Variants in APH1B observed in about 807,000 individuals in gnomAD.
APH1B encodes the protein gamma-secretase subunit APH-1B.
Under a neutral mutation model 28.2 loss-of-function variants are expected in APH1B, and 27 were observed. The ratio of observed to expected loss-of-function variants is 0.96; its 90% confidence interval spans 0.70 to 1.32. APH1B has a LOEUF of 1.32. Among genes scored for constraint, APH1B ranks in the 40% most tolerant of loss-of-function variants. The probability of loss-of-function intolerance (pLI) is 0.00; values close to 1 mark genes in which losing one functional copy is unlikely to be tolerated. For synonymous variants in APH1B, 141 were observed against 124.6 expected (o/e 1.13, Z -0.88); for missense variants, 305 against 313.6 (o/e 0.97, Z 0.21).
rs2038682435 is a variant in APH1B at position 63,305,836 on chromosome 15, A to G, written c.*55A>G. 6.4e-7 allele frequency: 1 copy of G among 1,557,184 alleles called. No homozygotes were observed. The highest frequency in any genetic ancestry group is 8.7e-7 in the Non-Finnish European group (1 of 1,155,774). On this transcript the variant is annotated 3_prime_UTR_variant, in exon 6 of 6. Transcript: ENST00000261879. Reference sequence around the variant, plus strand: ...AGACTACATCTTTAGAGGAAGCACAACTGTGCCTTTTTCTGAAAATCCCTT... The same window carrying G: ...AGACTACATCTTTAGAGGAAGCACAGCTGTGCCTTTTTCTGAAAATCCCTT...
chr15:63,294,770 T>C lies in APH1B; in HGVS notation c.478+7224T>C, dbSNP rs140532194. Among the ~76,000 whole-genome samples, 8 of 152,352 alleles carry C rather than the reference T, an allele frequency of 5.3e-5. No individual in the cohort carries two copies. The East Asian group carries it at 7.7e-4, about 15-fold the overall frequency. On this transcript the variant is annotated intron_variant, in intron 4 of 5. Transcript: ENST00000261879. ...ATTCGAAACCCTCACCAAAGACTTATACTTGAATATTTTTCGTGAGATCAA... is the reference window on the plus strand; with the variant it reads ...ATTCGAAACCCTCACCAAAGACTTACACTTGAATATTTTTCGTGAGATCAA...
intron 2 of APH1B, 46 bp from the exon 3 acceptor site, chr15:63,286,510 CTT>C (rs58838039): frequency 0.025 from 30,764 of 1,212,766 alleles, 31 homozygotes; most frequent in East Asian, 0.1. Context: ...ATTGCTCTTC[CTT>C]TTTTTTTTTT....
intron 4 of APH1B, among the ~76,000 whole-genome samples, chr15:63,290,617 A>G (rs1567029737): frequency 6.6e-6 from 1 of 152,246 alleles, no homozygotes; most frequent in East Asian, 1.9e-4. Flanking sequence ...GCCATGGGGC[A>G]CAAAGGACAG....
chr15:63,302,537 A>C, intron 5 of APH1B, 65 bp downstream of exon 5: 1 of 1,542,274 alleles, frequency 6.5e-7, no homozygotes, highest in Non-Finnish European at 8.7e-7. Flanking sequence ...AAAATGGTAA[A>C]TTCTACTCTA....
rs368237442 is a variant in APH1B, at chr15:63,308,048, G to T, written c.*2267G>T. On this transcript the variant is annotated 3_prime_UTR_variant, in exon 6 of 6. Coordinates refer to ENST00000261879, the MANE Select transcript of APH1B (RefSeq NM_031301.4). The stretch of plus-strand genomic sequence containing the variant: ...CTTATGCCAAGGAGGCCCAGAGGGA[G>T]GGCCTAGTCTTCCTCTGTTGCTGTA... 8 of 152,254 alleles carry T rather than the reference G, an allele frequency of 5.3e-5. No homozygotes were observed. The East Asian group carries it at 1.2e-3, about 22-fold the overall frequency. 9.4% of individuals were successfully genotyped at this position (152,254 alleles called of 1,614,324 possible).
chr15:63,305,508 C>A, intron 5 of APH1B, 106 bp from the exon 6 acceptor site: 2 of 1,333,470 alleles, frequency 1.5e-6, no homozygotes, highest in Non-Finnish European at 2.1e-6. Context: ...TGGTGAAACA[C>A]ACCCAAGTTC....
chr15:63,287,283 C>T (rs2038457375), intron 3 of APH1B, 141 bp from the exon 4 acceptor site: 2 of 1,176,830 alleles, frequency 1.7e-6, no homozygotes, highest in Non-Finnish European at 2.4e-6. Context: ...GCACATGCCT[C>T]TCCAGAGCCA....
At chr15:63,289,919 A>AC (rs777110777) in intron 4 of APH1B, among the ~76,000 whole-genome samples, 5 of 152,160 alleles carry the variant, frequency 3.3e-5, no homozygotes, top group East Asian at 1.9e-4. Context: ...TGGGAGAATC[A>AC]TTGAGCCCGG....
intron 1 of APH1B, 103 bp downstream of exon 1, chr15:63,277,839 G>A (rs2038341585): frequency 1.8e-6 from 2 of 1,128,180 alleles, no homozygotes; most frequent in Non-Finnish European, 2.5e-6. Context: ...ACCTTGTTGC[G>A]TTTCAGACGG....
chr15:63,308,554 G>A lies in APH1B; in HGVS notation c.*2773G>A, dbSNP rs1460964238. The A allele has an allele frequency of 6.6e-6, 1 of 152,218 alleles. No homozygotes were observed. The highest frequency in any genetic ancestry group is 2.4e-5 in the African/African-American group (1 of 41,448). 9.4% of individuals were successfully genotyped at this position (152,218 alleles called of 1,614,324 possible). The stretch of plus-strand genomic sequence containing the variant: ...TGTGGAGAGTGGCAGATTCACACCA[G>A]AAACACTAGGTGTTCATATCCATAG... On this transcript the variant is annotated 3_prime_UTR_variant, in exon 6 of 6. Transcript: ENST00000261879.
intron 2 of APH1B, among the ~76,000 whole-genome samples, chr15:63,283,759 A>G (rs2038414563): frequency 6.6e-6 from 1 of 152,178 alleles, no homozygotes; most frequent in African/African-American, 2.4e-5. Context: ...TTGAGAAACC[A>G]TTACCCAACC....
At chr15:63,301,604 T>C (rs942665581) in intron 4 of APH1B, among the ~76,000 whole-genome samples, 5 of 152,034 alleles carry the variant, frequency 3.3e-5, no homozygotes, top group Non-Finnish European at 5.9e-5. Context: ...CTTCTTCTTT[T>C]TTTTTTTTGC....
At chr15:63,296,824 A>G (rs1035450737) in intron 4 of APH1B, among the ~76,000 whole-genome samples, 2 of 151,880 alleles carry the variant, frequency 1.3e-5, no homozygotes, top group Non-Finnish European at 2.9e-5. Context: ...TGCCTGGCTA[A>G]TTTTTTGTAT....
chr15:63,290,213 A>G (rs754151357), intron 4 of APH1B, among the ~76,000 whole-genome samples: 1 of 152,190 alleles, frequency 6.6e-6, no homozygotes, highest in Non-Finnish European at 1.5e-5. Flanking sequence ...GTGTGTACAT[A>G]GGCTCTTATG....
intron 4 of APH1B, among the ~76,000 whole-genome samples, chr15:63,288,736 AT>A (rs1470737055): frequency 1.3e-5 from 2 of 152,208 alleles, no homozygotes; most frequent in African/African-American, 4.8e-5. Flanking sequence ...TCTTTTGAAC[AT>A]TTCATCATTG....
At chr15:63,283,616 G>A (rs1035199354) in intron 2 of APH1B, among the ~76,000 whole-genome samples, 1 of 152,094 alleles carries the variant, frequency 6.6e-6, no homozygotes, top group Non-Finnish European at 1.5e-5. Flanking sequence ...AATATGATTT[G>A]CAAATATTTT....
Position 63,287,425 on chromosome 15 carries a change from T to G in APH1B, c.357T>G (p.Val119=). Residue 119 remains valine, a splice_region_variant and synonymous_variant, in exon 4 of 6, where the codon GTT becomes GTG. Coordinates refer to ENST00000261879, the MANE Select transcript of APH1B (RefSeq NM_031301.4). ...AACAGTGTTTTTCTTCCTGTTTAGT[T>G]TCTGGCTTGGGCTTTGGAATCATGA... The part of the protein sequence containing the change: ...TAPSMRLLAY[V]SGLGFGIMSG... The G allele has an allele frequency of 6.2e-7, 1 of 1,613,466 alleles. No homozygotes were observed.
At chr15:63,279,035 C>T (rs7162310) in intron 1 of APH1B, 126 bp from the exon 2 acceptor site, 192,770 of 771,934 alleles carry the variant, frequency 0.25, 26,454 homozygotes, top group East Asian at 0.48. Flanking sequence ...TGAGGACTTT[C>T]TTTTCCTTAT....
At chr15:63,287,669 C>A in intron 4 of APH1B, 123 bp downstream of exon 4, 1 of 1,243,210 alleles carries the variant, frequency 8.0e-7, no homozygotes, top group Non-Finnish European at 1.1e-6. Context: ...AGGCGAAATA[C>A]TCTGAGGCAC....
Sources: gnomAD v4.1 joint callset for allele counts (sites outside exome capture counted in the v4.1 genomes callset) on GRCh38, gnomAD v4.1.1 for gene constraint, MANE v1.5 for transcripts, NCBI Gene and HGNC (gene_info 2026-07-23, HGNC 2026-07-21) for gene names.